The following ACTL6A variants were observed in gnomAD, a reference collection of about 807,000 sequenced individuals.
The protein encoded by ACTL6A is actin like 6A, also known as actin-like protein 6A.
In ACTL6A, 5 loss-of-function variants were observed where a neutral mutation model predicts 59.2. The observed-to-expected ratio is 0.08, with a 90% CI of 0.04 to 0.18. The LOEUF (loss-of-function observed/expected upper bound fraction) is 0.18. Ranked by LOEUF, ACTL6A falls within the 10% of genes least tolerant of loss-of-function variation. ACTL6A has a pLI of 1.00. For missense variants in ACTL6A, 285 were observed against 526.9 expected, an observed-to-expected ratio of 0.54 and a Z score of 4.49; for synonymous variants, 154 against 171.8, an observed-to-expected ratio of 0.90 and a Z score of 0.81.
intron 1 of ACTL6A, among the ~76,000 whole-genome samples, chr3:179,568,917 CAGAG>C (rs1199951181): frequency 2.0e-5 from 3 of 152,152 alleles, no homozygotes; most frequent in Non-Finnish European, 4.4e-5. Flanking sequence ...GAAACTGAAG[CAGAG>C]AGGTTAATAA....
chr3:179,573,344 C>G, intron 3 of ACTL6A, 25 bp from the exon 4 acceptor site: 1 of 1,459,400 alleles, frequency 6.9e-7, no homozygotes, highest in South Asian at 1.3e-5. Flanking sequence ...TGCATTATTT[C>G]CAAGTTACTA....
chr3:179,577,148 A>G (rs1050551336), intron 8 of ACTL6A, among the ~76,000 whole-genome samples: 4 of 152,170 alleles, frequency 2.6e-5, no homozygotes, highest in African/African-American at 9.7e-5. Flanking sequence ...TGTGAGAGGC[A>G]TGCTTTTCAT....
At chr3:179,576,139 A>AT in intron 5 of ACTL6A, 78 bp from the exon 6 acceptor site, 1 of 1,022,366 alleles carries the variant, frequency 9.8e-7, no homozygotes, top group Non-Finnish European at 1.5e-6. Context: ...TTTCTGAAAC[A>AT]TTATAAGAGC....
intron 8 of ACTL6A, among the ~76,000 whole-genome samples, chr3:179,578,867 G>T (rs1331015613): frequency 6.6e-6 from 1 of 152,104 alleles, no homozygotes; most frequent in Non-Finnish European, 1.5e-5. Flanking sequence ...CTGGGTTCAA[G>T]CAATTCTCCT....
intron 13 of ACTL6A, among the ~76,000 whole-genome samples, chr3:179,587,477 T>C (rs1483118095): frequency 6.6e-6 from 1 of 151,982 alleles, no homozygotes; most frequent in Non-Finnish European, 1.5e-5. Context: ...GGCTAAATAG[T>C]GTGTTTGGAT....
intron 1 of ACTL6A, 140 bp from the exon 2 acceptor site, chr3:179,569,684 A>G: frequency 2.8e-6 from 2 of 706,564 alleles, no homozygotes; most frequent in Non-Finnish European, 4.8e-6. Flanking sequence ...AAAATTTAAG[A>G]AATTCATTGT....
chr3:179,586,700 A>C, intron 13 of ACTL6A, 68 bp downstream of exon 13: 1 of 1,269,986 alleles, frequency 7.9e-7, no homozygotes, highest in East Asian at 2.6e-5. Flanking sequence ...AAAATACAAA[A>C]AATAATTCCA....
chr3:179,581,175 T>C lies in ACTL6A; in HGVS notation c.981T>C (p.His327=), dbSNP rs756154735. 6.2e-6 allele frequency: 10 copies of C among 1,613,950 alleles called. No individual in the cohort carries two copies. The East Asian group carries it at 2.2e-4, about 36-fold the overall frequency. ...GAAACACAATGTTAGGAGTCAGTCA[T>C]GTTGTCACCACAAGTGTTGGGATGT... ...LSGNTMLGVS[H]VVTTSVGMCD... The change falls in exon 11 of 14, where the codon CAT becomes CAC. Residue 327 remains histidine, a synonymous_variant. Transcript: ENST00000429709.
intron 5 of ACTL6A, chr3:179,575,418 A>G (rs760708018): frequency 2.2e-6 from 1 of 456,542 alleles, no homozygotes; most frequent in African/African-American, 2.0e-5. Context: ...TTCATCATCT[A>G]CTTCACTAAA....
Position 179,573,404 on chromosome 3 carries a change from C to T in ACTL6A, c.313C>T (p.His105Tyr). ...GGATAGTTTCCAAGCTATTTTGGAT[C>T]ATACCTACAAAATGCATGTCAAATC... ...DWDSFQAILDHTYKMHVKSEA... is the reference protein window; with the variant it reads ...DWDSFQAILDYTYKMHVKSEA... Residue 105 changes from histidine to tyrosine, a missense_variant, in exon 4 of 14, where the codon CAT (histidine) becomes TAT (tyrosine). Transcript: ENST00000429709. The T allele has an allele frequency of 1.3e-6, 2 of 1,592,490 alleles. No homozygotes were observed. Among genetic ancestry groups the T allele is most frequent in the South Asian group, 2.3e-5 (2 of 85,730 alleles).
At chr3:179,581,882 T>C (rs1372023325) in intron 11 of ACTL6A, among the ~76,000 whole-genome samples, 1 of 152,220 alleles carries the variant, frequency 6.6e-6, no homozygotes, top group African/African-American at 2.4e-5. Flanking sequence ...ATTGGTTTTG[T>C]TACATGACAT....
chr3:179,573,410 T>C lies in ACTL6A; in HGVS notation c.319T>C (p.Tyr107His). The change falls in exon 4 of 14, where the codon TAC becomes CAC. Residue 107 changes from tyrosine (Y) to histidine (H), a missense_variant. Tyr to His is a moderately conservative substitution (Grantham distance 83, BLOSUM62 2). Transcript: ENST00000429709. ...TTTCCAAGCTATTTTGGATCATACC[T>C]ACAAAATGCATGTCAAATCAGAAGC... ...DSFQAILDHT[Y>H]KMHVKSEASL... The C allele has an allele frequency of 6.3e-7, 1 of 1,592,372 alleles. No individual in the cohort carries two copies. The highest frequency in any genetic ancestry group is 1.2e-5 in the South Asian group (1 of 85,688).
At chr3:179,585,166 G>A (rs1262738046) in intron 12 of ACTL6A, among the ~76,000 whole-genome samples, 2 of 152,122 alleles carry the variant, frequency 1.3e-5, no homozygotes, top group Non-Finnish European at 2.9e-5. Flanking sequence ...GCAGTGGCAC[G>A]ATATCAGCTC....
intron 1 of ACTL6A, among the ~76,000 whole-genome samples, chr3:179,564,904 A>G (rs1267425976): frequency 7.5e-6 from 1 of 133,288 alleles, no homozygotes; most frequent in South Asian, 2.4e-4. Context: ...TTTTTTTTTT[A>G]ATAGAGATGG....
intron 8 of ACTL6A, among the ~76,000 whole-genome samples, chr3:179,579,453 TATACACAC>T (rs1413284243): frequency 6.3e-4 from 35 of 55,278 alleles, no homozygotes; most frequent in African/African-American, 2.3e-3. Flanking sequence ...ATTTATATCA[TATACACAC>T]ACACACACAC....
chr3:179,567,016 C>T (rs937298336), intron 1 of ACTL6A, among the ~76,000 whole-genome samples: 2 of 152,226 alleles, frequency 1.3e-5, no homozygotes, highest in South Asian at 4.1e-4. Context: ...AAACATCACT[C>T]ATACTGGATT....
At position 179,563,304 on chromosome 3, in the gene ACTL6A, C is replaced by T. The variant is rs1039190394; in HGVS notation, c.25+187C>T. 4.9e-6 allele frequency: 5 copies of T among 1,026,434 alleles called. No homozygotes were observed. The Admixed American group carries it at 1.4e-4, about 29-fold the overall frequency. The allele number at this position is 1,026,434 out of a possible 1,614,324, so 63.6% of individuals were successfully genotyped here. Reference sequence around the variant, plus strand: ...AGCCCACCCGGCTCGCCGTGCTCCTCGGGCTCCCTGAAGTGGCGGCTCTCT... The same window carrying T: ...AGCCCACCCGGCTCGCCGTGCTCCTTGGGCTCCCTGAAGTGGCGGCTCTCT... On this transcript the variant is annotated intron_variant, in intron 1 of 13. Coordinates refer to ENST00000429709, the MANE Select transcript of ACTL6A (RefSeq NM_004301.5).
rs529228372 is a variant in ACTL6A at position 179,577,004 on chromosome 3, A to G, written c.768+91A>G. 11 of 863,876 alleles carry G rather than the reference A, an allele frequency of 1.3e-5. No individual in the cohort carries two copies. In the East Asian group the frequency reaches 2.4e-4, roughly 19 times the overall value. 53.5% of individuals were successfully genotyped at this position (863,876 alleles called of 1,614,324 possible). On this transcript the variant is annotated intron_variant, in intron 8 of 13. Coordinates refer to ENST00000429709, the MANE Select transcript of ACTL6A (RefSeq NM_004301.5). Reference sequence around the variant, plus strand: ...ATATATAGGCTGTAAATCCTTGAGTAAAATATGGGCACTTTATATTTTCAA... The same window carrying G: ...ATATATAGGCTGTAAATCCTTGAGTGAAATATGGGCACTTTATATTTTCAA...
At chr3:179,579,455 T>TATACACAC (rs1553778005) in intron 8 of ACTL6A, among the ~76,000 whole-genome samples, 3,496 of 145,110 alleles carry the variant, frequency 0.024, 62 homozygotes, top group Admixed American at 0.051. Context: ...TTATATCATA[T>TATACACAC]ACACACACAC....
Sources: gnomAD v4.1 joint callset for allele counts (sites outside exome capture counted in the v4.1 genomes callset) on GRCh38, gnomAD v4.1.1 for gene constraint, MANE v1.5 for transcripts, NCBI Gene and HGNC (gene_info 2026-07-23, HGNC 2026-07-21) for gene names.